GALNT17: variants seen among roughly 807,000 people sequenced by gnomAD.
GALNT17 encodes UDP-GalNAc:polypeptide N-acetylgalactosaminyltransferase-like 3.
A neutral mutation model predicts 63.7 loss-of-function variants in GALNT17; 29 were observed. The ratio of observed to expected loss-of-function variants is 0.46; its 90% CI spans 0.34 to 0.62. The LOEUF is 0.62. Among genes scored for constraint, GALNT17 ranks in the 20% least tolerant of loss-of-function variants. The pLI, the probability that GALNT17 is intolerant of heterozygous loss-of-function variation, is 0.01. For missense variants in GALNT17, 603 were observed against 799.6 expected (o/e 0.75, Z 2.97); for synonymous variants, 305 against 318.3 (o/e 0.96, Z 0.45).
At chr7:71,342,098 G>T (rs2116130462) in intron 2 of GALNT17, among the ~76,000 whole-genome samples, 1 of 152,262 alleles carries the variant, frequency 6.6e-6, no homozygotes, top group East Asian at 1.9e-4. Context: ...CCATTGTGTT[G>T]CTATAAAGGA....
At chr7:71,231,233 T>C (rs1789782330) in intron 1 of GALNT17, among the ~76,000 whole-genome samples, 1 of 151,782 alleles carries the variant, frequency 6.6e-6, no homozygotes, top group Admixed American at 6.6e-5. Context: ...TTTTGCTGTT[T>C]TTTTTTTTTT....
At chr7:71,151,050 G>A (rs978675206) in intron 1 of GALNT17, among the ~76,000 whole-genome samples, 69 of 151,658 alleles carry the variant, frequency 4.5e-4, no homozygotes, top group African/African-American at 1.6e-3. Flanking sequence ...GTGCTGTCCA[G>A]CCATCTCCTG....
chr7:71,659,230 C>T (rs1413088869), intron 6 of GALNT17, among the ~76,000 whole-genome samples: 1 of 152,250 alleles, frequency 6.6e-6, no homozygotes, highest in Non-Finnish European at 1.5e-5. Context: ...CATGGCTATT[C>T]TTTCAGCTCT....
chr7:71,180,168 C>T (rs1788711239), intron 1 of GALNT17, among the ~76,000 whole-genome samples: 1 of 151,996 alleles, frequency 6.6e-6, no homozygotes, highest in South Asian at 2.1e-4. Context: ...CTCTGTCGCC[C>T]AGGCTGGAGT....
At chr7:71,196,399 C>G (rs1789049638) in intron 1 of GALNT17, among the ~76,000 whole-genome samples, 1 of 152,046 alleles carries the variant, frequency 6.6e-6, no homozygotes, top group African/African-American at 2.4e-5. Flanking sequence ...CTCAGCCTCC[C>G]AAAGTGTTGG....
chr7:71,566,623 A>C (rs1584055437), intron 5 of GALNT17, among the ~76,000 whole-genome samples: 1 of 151,264 alleles, frequency 6.6e-6, no homozygotes, highest in Non-Finnish European at 1.5e-5. Context: ...TTCCAGAAGG[A>C]ATCTTCCCTG....
At chr7:71,610,812 C>A (rs1454964309) in intron 6 of GALNT17, among the ~76,000 whole-genome samples, 2 of 151,746 alleles carry the variant, frequency 1.3e-5, no homozygotes. Flanking sequence ...ATGGTGAAAC[C>A]CCTTCTCTAC....
At chr7:71,357,911 C>G (rs1396539804) in intron 2 of GALNT17, among the ~76,000 whole-genome samples, 2 of 152,126 alleles carry the variant, frequency 1.3e-5, no homozygotes, top group Non-Finnish European at 2.9e-5. Flanking sequence ...TCAGCAGGAT[C>G]CTAAAAGTAG....
chr7:71,139,438 ATAGTGAATAGAAGTGGAG>A (rs1333033143), intron 1 of GALNT17, among the ~76,000 whole-genome samples: 2 of 152,324 alleles, frequency 1.3e-5, no homozygotes, highest in East Asian at 3.9e-4. Flanking sequence ...TTTCAGAAGG[ATAGTGAATAGAAGTGGAG>A]TTGCTTAAAG....
chr7:71,261,436 G>C (rs1407800622), intron 1 of GALNT17, among the ~76,000 whole-genome samples: 1 of 151,834 alleles, frequency 6.6e-6, no homozygotes, highest in Non-Finnish European at 1.5e-5. Flanking sequence ...CTGTGTTTCA[G>C]TCAGCCTAGC....
chr7:71,606,388 A>AG (rs1266872700), intron 6 of GALNT17, among the ~76,000 whole-genome samples: 4 of 152,308 alleles, frequency 2.6e-5, no homozygotes, highest in Admixed American at 2.6e-4. Context: ...GCTTCACACA[A>AG]GGAGTGTAAA....
At chr7:71,352,052 T>C (rs1377831885) in intron 2 of GALNT17, among the ~76,000 whole-genome samples, 1 of 152,120 alleles carries the variant, frequency 6.6e-6, no homozygotes, top group Non-Finnish European at 1.5e-5. Context: ...AAATCTCATC[T>C]TGAATTGTAG....
At chr7:71,387,135 C>T (rs543678260) in intron 2 of GALNT17, among the ~76,000 whole-genome samples, 62 of 151,764 alleles carry the variant, frequency 4.1e-4, no homozygotes, top group African/African-American at 1.5e-3. Context: ...AATCCTGCTG[C>T]GGAAATTTAC....
At chr7:71,544,549 G>T (rs935636774) in intron 5 of GALNT17, among the ~76,000 whole-genome samples, 2 of 152,138 alleles carry the variant, frequency 1.3e-5, no homozygotes, top group Non-Finnish European at 2.9e-5. Context: ...CCAGTCTTTT[G>T]CCTTTCATCC....
At position 71,292,993 on chromosome 7, in the gene GALNT17, C is replaced by T. The variant is rs78779164; in HGVS notation, c.239-42557C>T. On this transcript the variant is annotated intron_variant, in intron 1 of 10. Transcript: ENST00000333538. ...ACTTCATTTAGCGTGATGTTCTCCA[C>T]CTCCATCCATGTGGTCGCAAATGGC... 7.4e-3 allele frequency among the ~76,000 whole-genome samples: 1,120 copies of T among 152,186 alleles called. 13 individuals are homozygous for T. Among genetic ancestry groups the T allele is most frequent in the African/African-American group, 0.025 (1,041 of 41,520 alleles).
At position 71,686,048 on chromosome 7, in the gene GALNT17, G is replaced by A. The variant is rs567346923; in HGVS notation, c.1500+8742G>A. Among the ~76,000 whole-genome samples, 598 of 141,916 alleles carry A rather than the reference G, an allele frequency of 4.2e-3. 10 individuals carry two copies. The highest frequency in any genetic ancestry group is 0.015 in the African/African-American group (574 of 37,664). The allele number at this position is 141,916 out of a possible 152,430, so 93.1% of individuals were successfully genotyped here. A position where few individuals can be genotyped will look rare whatever the true frequency, so the allele number is the denominator to read the frequency against. On this transcript the variant is annotated intron_variant, in intron 9 of 10. Transcript: ENST00000333538. Reference sequence around the variant, plus strand: ...TGGCTCACTGCAACCTCCGCCTCCTGCGTTCAAGCGATTCTCCTGCCTCAG... The same window carrying A: ...TGGCTCACTGCAACCTCCGCCTCCTACGTTCAAGCGATTCTCCTGCCTCAG...
At chr7:71,365,899 A>G (rs1035906978) in intron 2 of GALNT17, among the ~76,000 whole-genome samples, 1 of 152,136 alleles carries the variant, frequency 6.6e-6, no homozygotes, top group East Asian at 1.9e-4. Context: ...ATATAATAAA[A>G]TAATTACACA....
chr7:71,256,024 C>T (rs1164116824), intron 1 of GALNT17, among the ~76,000 whole-genome samples: 1 of 152,158 alleles, frequency 6.6e-6, no homozygotes, highest in Non-Finnish European at 1.5e-5. Context: ...GAAGCATTTA[C>T]AATCTATTCT....
chr7:71,152,604 T>C (rs1471978867), intron 1 of GALNT17, among the ~76,000 whole-genome samples: 1 of 152,076 alleles, frequency 6.6e-6, no homozygotes, highest in Non-Finnish European at 1.5e-5. Flanking sequence ...CCCCATGAGA[T>C]AGGCTCTAAT....
Sources: gnomAD v4.1 joint callset for allele counts (sites outside exome capture counted in the v4.1 genomes callset) on GRCh38, gnomAD v4.1.1 for gene constraint, MANE v1.5 for transcripts, NCBI Gene and HGNC (gene_info 2026-07-23, HGNC 2026-07-21) for gene names.